Variants in NELL1 observed in about 807,000 individuals in gnomAD.
NELL1 encodes protein kinase C-binding protein NELL1.
Under a neutral mutation model 107.4 loss-of-function variants are expected in NELL1, and 76 were observed. The ratio of observed to expected loss-of-function variants is 0.71; its 90% confidence interval spans 0.59 to 0.86. The LOEUF is 0.86. NELL1 is among the 40% of genes least tolerant of loss of function. The pLI is 0.00. For missense variants in NELL1, 1,024 were observed against 1,005.5 expected, an observed-to-expected ratio of 1.02 and a Z score of -0.25; for synonymous variants, 353 against 341.2, an observed-to-expected ratio of 1.03 and a Z score of -0.38.
At chr11:20,706,742 G>C (rs995091133) in intron 2 of NELL1, among the ~76,000 whole-genome samples, 4 of 151,980 alleles carry the variant, frequency 2.6e-5, no homozygotes, top group African/African-American at 9.7e-5. Flanking sequence ...TCTGCTGAGA[G>C]ATCCTCTCTT....
At chr11:20,688,562 T>C (rs1854367572) in intron 2 of NELL1, among the ~76,000 whole-genome samples, 1 of 152,166 alleles carries the variant, frequency 6.6e-6, no homozygotes, top group Admixed American at 6.6e-5. Flanking sequence ...CATGATTTCA[T>C]TGTTTCTTTT....
intron 13 of NELL1, among the ~76,000 whole-genome samples, chr11:21,122,461 ATATC>A (rs764704911): frequency 5.9e-5 from 9 of 152,148 alleles, no homozygotes; most frequent in East Asian, 1.9e-4. Flanking sequence ...TGGTACATGC[ATATC>A]TATCTATCTA....
intron 2 of NELL1, among the ~76,000 whole-genome samples, chr11:20,696,553 T>C (rs896310344): frequency 2.0e-5 from 3 of 152,162 alleles, no homozygotes; most frequent in African/African-American, 4.8e-5. Context: ...TAATAAATGA[T>C]GTCTATCTAG....
chr11:21,255,317 G>A (rs1858741765), intron 14 of NELL1, among the ~76,000 whole-genome samples: 1 of 152,138 alleles, frequency 6.6e-6, no homozygotes, highest in East Asian at 1.9e-4. Flanking sequence ...TAATTGTGTT[G>A]TTCTTTTAGT....
intron 13 of NELL1, among the ~76,000 whole-genome samples, chr11:21,171,297 TATACACACACAC>T (rs1483795191): frequency 6.6e-6 from 1 of 151,696 alleles, no homozygotes; most frequent in Non-Finnish European, 1.5e-5. Flanking sequence ...TATATATAAT[TATACACACACAC>T]ATACACACAC....
At chr11:21,527,213 C>G (rs1290783784) in intron 15 of NELL1, among the ~76,000 whole-genome samples, 3 of 152,104 alleles carry the variant, frequency 2.0e-5, no homozygotes, top group African/African-American at 7.2e-5. Flanking sequence ...ATCCAGTTCC[C>G]AAAAGTTCCT....
intron 15 of NELL1, among the ~76,000 whole-genome samples, chr11:21,390,921 G>GT (rs1395944496): frequency 6.6e-6 from 1 of 151,184 alleles, no homozygotes; most frequent in African/African-American, 2.4e-5. Flanking sequence ...TTTCCATGAG[G>GT]TTTTTTTTCA....
At chr11:21,460,592 C>T (rs1853876270) in intron 15 of NELL1, among the ~76,000 whole-genome samples, 1 of 152,018 alleles carries the variant, frequency 6.6e-6, no homozygotes, top group Non-Finnish European at 1.5e-5. Flanking sequence ...TTAAATAGTA[C>T]TCCTTATAAA....
chr11:21,396,621 C>T (rs1005244526), intron 15 of NELL1, among the ~76,000 whole-genome samples: 2 of 151,494 alleles, frequency 1.3e-5, no homozygotes, highest in Non-Finnish European at 3.0e-5. Flanking sequence ...AAGAGAGGCA[C>T]ATAAATAATT....
intron 5 of NELL1, among the ~76,000 whole-genome samples, chr11:20,889,584 T>A (rs1332575070): frequency 6.6e-6 from 1 of 152,234 alleles, no homozygotes; most frequent in Admixed American, 6.5e-5. Flanking sequence ...ATTGCCATTA[T>A]CCTTGTTTGA....
chr11:20,799,047 T>C (rs1782106743), intron 3 of NELL1, among the ~76,000 whole-genome samples: 2 of 118,658 alleles, frequency 1.7e-5, no homozygotes, highest in East Asian at 3.2e-4. Flanking sequence ...GATAGGTCAG[T>C]AGAGAAGAGA....
intron 13 of NELL1, among the ~76,000 whole-genome samples, chr11:21,227,070 C>T (rs1006355073): frequency 2.6e-5 from 4 of 152,212 alleles, no homozygotes; most frequent in Non-Finnish European, 5.9e-5. Context: ...TGCACAGAAC[C>T]ATACCTTTCT....
intron 15 of NELL1, among the ~76,000 whole-genome samples, chr11:21,447,234 G>C (rs1853455180): frequency 6.6e-6 from 1 of 152,116 alleles, no homozygotes; most frequent in African/African-American, 2.4e-5. Flanking sequence ...GACTGGAATT[G>C]GGGAACCCTA....
chr11:21,037,731 C>G (rs536286496), intron 12 of NELL1, among the ~76,000 whole-genome samples: 1 of 152,240 alleles, frequency 6.6e-6, no homozygotes, highest in Admixed American at 6.5e-5. Flanking sequence ...TCTTTTCAGT[C>G]CCTCCCTCCT....
rs529577048 is a variant in NELL1, at chr11:21,574,523, G to A, written c.2383-449G>A. Among the ~76,000 whole-genome samples the A allele has an allele frequency of 8.6e-5, 13 of 151,876 alleles. No homozygotes were observed. In the East Asian group the frequency reaches 2.3e-3, roughly 27 times the overall value. ...ACTATCCCCTTCATAGTCACCATGA[G>A]AGATTTTATGCAAACCTTACTGGAC... On this transcript the variant is annotated intron_variant, in intron 19 of 19. Transcript: ENST00000357134.
chr11:21,364,877 C>G (rs936478681), intron 14 of NELL1, among the ~76,000 whole-genome samples: 5 of 152,164 alleles, frequency 3.3e-5, no homozygotes, highest in African/African-American at 1.2e-4. Context: ...CTCTGAATGG[C>G]TTACTGCATT....
At chr11:20,882,468 A>G (rs1207485028) in intron 4 of NELL1, among the ~76,000 whole-genome samples, 1 of 152,258 alleles carries the variant, frequency 6.6e-6, no homozygotes, top group Admixed American at 6.5e-5. Context: ...TAGGAGTGAT[A>G]CAAGGAACAA....
At chr11:21,450,503 T>C (rs1250759028) in intron 15 of NELL1, among the ~76,000 whole-genome samples, 1 of 152,218 alleles carries the variant, frequency 6.6e-6, no homozygotes, top group Non-Finnish European at 1.5e-5. Flanking sequence ...TGATACGCCA[T>C]ATGATGATAC....
chr11:21,568,733 A>G (rs1289109906), intron 17 of NELL1, among the ~76,000 whole-genome samples: 1 of 151,694 alleles, frequency 6.6e-6, no homozygotes, highest in African/African-American at 2.4e-5. Flanking sequence ...TTTCACCTCC[A>G]TATTTTCCTC....
Sources: allele counts gnomAD v4.1 joint callset (sites outside exome capture counted in the v4.1 genomes callset), GRCh38; gene constraint gnomAD v4.1.1; transcripts MANE v1.5; gene names NCBI Gene and HGNC (gene_info 2026-07-23, HGNC 2026-07-21).